Variants in COL4A1 observed in about 807,000 individuals in gnomAD.
COL4A1 encodes the protein collagen type IV alpha 1 chain, also known as collagen alpha-1(IV) chain.
Under a neutral mutation model 216.6 loss-of-function variants are expected in COL4A1, and 40 were observed. That is an observed-to-expected ratio of 0.18 (90% CI 0.14 to 0.24). COL4A1 has a LOEUF of 0.24. COL4A1 is among the 10% of genes least tolerant of loss of function. COL4A1 has a pLI of 1.00. For synonymous variants in COL4A1, 839 were observed against 810.7 expected, an observed-to-expected ratio of 1.03 and a Z score of -0.59; for missense variants, 1,628 against 2,196.8, an observed-to-expected ratio of 0.74 and a Z score of 5.18.
intron 2 of COL4A1, among the ~76,000 whole-genome samples, chr13:110,215,576 AC>A (rs4000271): frequency 0.13 from 16,571 of 124,382 alleles, 1,145 homozygotes; most frequent in East Asian, 0.23. Flanking sequence ...AAAAAAAAAA[AC>A]AACAACCCAT....
At chr13:110,227,903 G>T (rs1173379653) in intron 2 of COL4A1, among the ~76,000 whole-genome samples, 1 of 152,212 alleles carries the variant, frequency 6.6e-6, no homozygotes, top group Non-Finnish European at 1.5e-5. Flanking sequence ...CTCCGGGGAG[G>T]CCCGCTGTGG....
intron 1 of COL4A1, 43 bp from the exon 2 acceptor site, chr13:110,242,777 A>C: frequency 6.3e-7 from 1 of 1,599,790 alleles, no homozygotes; most frequent in Non-Finnish European, 8.6e-7. Flanking sequence ...GAACACTTTC[A>C]AAGCGAGGGC....
chr13:110,180,590 C>T (rs1015770067), intron 29 of COL4A1, among the ~76,000 whole-genome samples: 3 of 152,232 alleles, frequency 2.0e-5, no homozygotes, highest in Non-Finnish European at 4.4e-5. Context: ...CACATTGGTT[C>T]CTTACAATCA....
chr13:110,286,727 G>T (rs1278545295), intron 1 of COL4A1, among the ~76,000 whole-genome samples: 1 of 152,186 alleles, frequency 6.6e-6, no homozygotes, highest in African/African-American at 2.4e-5. Context: ...AGCCCTGCTG[G>T]CCTCGCAGAG....
At chr13:110,281,988 C>T (rs907036438) in intron 1 of COL4A1, among the ~76,000 whole-genome samples, 8 of 152,198 alleles carry the variant, frequency 5.3e-5, no homozygotes, top group African/African-American at 1.4e-4. Context: ...TTCCTGGCTG[C>T]GTGTCCTCGC....
At chr13:110,272,198 G>T (rs1883268489) in intron 1 of COL4A1, among the ~76,000 whole-genome samples, 1 of 152,200 alleles carries the variant, frequency 6.6e-6, no homozygotes, top group Non-Finnish European at 1.5e-5. Flanking sequence ...AAATGGCTTT[G>T]AACTAAAAGT....
chr13:110,300,375 A>G (rs569653127), intron 1 of COL4A1, among the ~76,000 whole-genome samples: 4 of 152,340 alleles, frequency 2.6e-5, no homozygotes, highest in Non-Finnish European at 5.9e-5. Flanking sequence ...GGCTGCTGGG[A>G]AAAGTTTGTG....
intron 2 of COL4A1, among the ~76,000 whole-genome samples, chr13:110,220,532 T>C (rs1042164025): frequency 1.3e-5 from 2 of 152,202 alleles, no homozygotes; most frequent in African/African-American, 4.8e-5. Context: ...AAAGTTTTTA[T>C]CTTTTGAATT....
chr13:110,265,639 C>G (rs1438673931), intron 1 of COL4A1: 1 of 152,252 alleles, frequency 6.6e-6, no homozygotes, highest in Non-Finnish European at 1.5e-5. Context: ...GCATGCCAGT[C>G]CTGGCTTTCA....
chr13:110,286,820 G>A (rs546879952), intron 1 of COL4A1, among the ~76,000 whole-genome samples: 14 of 152,192 alleles, frequency 9.2e-5, no homozygotes, highest in Admixed American at 3.9e-4. Flanking sequence ...AAGTCCACAC[G>A]ATAAACAGTG....
chr13:110,162,470 C>T (rs542509295), intron 47 of COL4A1, 28 bp from the exon 48 acceptor site: 74 of 1,532,300 alleles, frequency 4.8e-5, no homozygotes, highest in Admixed American at 8.3e-5. Flanking sequence ...AATTAGTTTC[C>T]CTAATTACAA....
Position 110,176,528 on chromosome 13 carries a change from A to C in COL4A1, c.2969-15T>G. ...ACCTTTAGGTCCTAGAACCATAAAG[A>C]AAGCAGTCTGACAGGTTGACATCTA... On this transcript the variant is annotated splice_polypyrimidine_tract_variant and intron_variant, in intron 35 of 51. Transcript: ENST00000375820. 1 of 1,608,666 alleles carries C rather than the reference A, an allele frequency of 6.2e-7. No individual in the cohort carries two copies. Among genetic ancestry groups the C allele is most frequent in the Non-Finnish European group, 8.5e-7 (1 of 1,174,980 alleles).
intron 47 of COL4A1, among the ~76,000 whole-genome samples, chr13:110,163,160 A>T (rs915932844): frequency 3.3e-5 from 5 of 152,236 alleles, no homozygotes; most frequent in African/African-American, 7.2e-5. Context: ...CCTTTGCTGA[A>T]ATAGAATTTT....
At chr13:110,215,138 C>T (rs1487376379) in intron 2 of COL4A1, among the ~76,000 whole-genome samples, 1 of 152,182 alleles carries the variant, frequency 6.6e-6, no homozygotes, top group African/African-American at 2.4e-5. Context: ...AGACGTCTTC[C>T]TCTTTAGAGA....
At position 110,248,553 on chromosome 13, in the gene COL4A1, G is replaced by A. The variant is rs531276598; in HGVS notation, c.85-5819C>T. On this transcript the variant is annotated intron_variant, in intron 1 of 51. Coordinates refer to ENST00000375820, the MANE Select transcript of COL4A1 (RefSeq NM_001845.6). ...GTGGCGCAGGCTGGAGTGCACTGGC[G>A]CGACGTCGGCTCACCGCAACCTCTG... 1.1e-4 allele frequency among the ~76,000 whole-genome samples: 17 copies of A among 151,994 alleles called. No individual in the cohort carries two copies. The East Asian group carries it at 2.1e-3, about 19-fold the overall frequency.
In COL4A1 at chr13:110,207,492, G is replaced by A; in HGVS notation, c.694-3C>T. The A allele has an allele frequency of 6.2e-7, 1 of 1,613,228 alleles. No homozygotes were observed. The highest frequency in any genetic ancestry group is 8.5e-7 in the Non-Finnish European group (1 of 1,179,322). On this transcript the variant is annotated splice_polypyrimidine_tract_variant and splice_region_variant and intron_variant, in intron 12 of 51. Transcript: ENST00000375820. The surrounding 1 kb of genome is among the most constrained non-coding windows in gnomAD (Gnocchi z 4.4). ...GGCCCACTGACCCCTTGGTCACCCT[G>A]TCGACATAAAAATGTAAAATTAATT... is the stretch of plus-strand genomic sequence containing the variant.
chr13:110,188,693 C>G (rs763328010), intron 24 of COL4A1, among the ~76,000 whole-genome samples: 2 of 152,198 alleles, frequency 1.3e-5, no homozygotes, highest in Non-Finnish European at 2.9e-5. Flanking sequence ...CTGCCCATTA[C>G]ACAGGGGGAG....
chr13:110,188,413 T>C (rs1230438743), intron 24 of COL4A1, among the ~76,000 whole-genome samples: 1 of 152,246 alleles, frequency 6.6e-6, no homozygotes, highest in Non-Finnish European at 1.5e-5. Flanking sequence ...ACTGAAAATA[T>C]GGCTAGCATT....
At chr13:110,231,373 G>C (rs9555677) in intron 2 of COL4A1, among the ~76,000 whole-genome samples, 1 of 152,070 alleles carries the variant, frequency 6.6e-6, no homozygotes, top group South Asian at 2.1e-4. Context: ...AAAACCTGAC[G>C]TCAAACAGGG....
Sources: allele counts gnomAD v4.1 joint callset (sites outside exome capture counted in the v4.1 genomes callset), GRCh38; gene constraint gnomAD v4.1.1; non-coding constraint Gnocchi (gnomAD v3.1); transcripts MANE v1.5; gene names NCBI Gene and HGNC (gene_info 2026-07-23, HGNC 2026-07-21).